GLRA3: variants seen among roughly 807,000 people sequenced by gnomAD.
GLRA3 encodes the protein glycine receptor subunit alpha-3.
GLRA3 carries 44 observed loss-of-function variants against 60.4 expected under a neutral mutation model. The ratio of observed to expected loss-of-function variants is 0.73; its 90% CI spans 0.57 to 0.94. GLRA3 has a LOEUF of 0.94. Among genes scored for constraint, GLRA3 ranks in the 40% least tolerant of loss-of-function variants. The pLI, the probability that GLRA3 is intolerant of heterozygous loss-of-function variation, is 0.00. For synonymous variants in GLRA3, 223 were observed against 192.9 expected, an observed-to-expected ratio of 1.16 and a Z score of -1.29; for missense variants, 508 against 564.6, an observed-to-expected ratio of 0.90 and a Z score of 1.02.
At chr4:174,757,272 T>TACAC (rs10555003) in intron 3 of GLRA3, among the ~76,000 whole-genome samples, 33 of 151,064 alleles carry the variant, frequency 2.2e-4, no homozygotes, top group African/African-American at 8.0e-4. Flanking sequence ...ATACAACATT[T>TACAC]ACACACACAC....
At chr4:174,745,844 G>A (rs1359311313) in intron 3 of GLRA3, among the ~76,000 whole-genome samples, 1 of 150,522 alleles carries the variant, frequency 6.6e-6, no homozygotes, top group Non-Finnish European at 1.5e-5. Flanking sequence ...AAAAACATGA[G>A]TATACATTTC....
chr4:174,672,627 C>A (rs1291981921), intron 7 of GLRA3, among the ~76,000 whole-genome samples: 4 of 152,088 alleles, frequency 2.6e-5, no homozygotes, highest in Non-Finnish European at 5.9e-5. Context: ...AGATCTGAAA[C>A]CCACTCCACA....
intron 5 of GLRA3, among the ~76,000 whole-genome samples, chr4:174,709,676 T>C (rs1193213155): frequency 6.6e-6 from 1 of 152,008 alleles, no homozygotes; most frequent in Non-Finnish European, 1.5e-5. Context: ...GAAACTCTGT[T>C]GAGATTTGAG....
chr4:174,732,674 A>G (rs1271529607), intron 3 of GLRA3, among the ~76,000 whole-genome samples: 4 of 152,126 alleles, frequency 2.6e-5, no homozygotes, highest in African/African-American at 4.8e-5. Flanking sequence ...TGAATCTTAC[A>G]AATGTAAAAC....
chr4:174,781,880 C>T (rs1261490847), intron 2 of GLRA3, among the ~76,000 whole-genome samples: 1 of 152,138 alleles, frequency 6.6e-6, no homozygotes, highest in Non-Finnish European at 1.5e-5. Context: ...CCGAATTCTA[C>T]CAGAGGTATA....
At chr4:174,658,799 A>G (rs1275341011) in intron 8 of GLRA3, among the ~76,000 whole-genome samples, 1 of 152,230 alleles carries the variant, frequency 6.6e-6, no homozygotes, top group African/African-American at 2.4e-5. Flanking sequence ...GTGTTGTTCC[A>G]GGAAGCGCAT....
intron 3 of GLRA3, among the ~76,000 whole-genome samples, chr4:174,763,427 T>C (rs556223447): frequency 2.0e-5 from 3 of 152,322 alleles, no homozygotes; most frequent in Admixed American, 6.5e-5. Flanking sequence ...ACAAAACTTT[T>C]CTCTTAACCA....
intron 1 of GLRA3, among the ~76,000 whole-genome samples, chr4:174,798,848 GA>G (rs1265364333): frequency 6.6e-5 from 10 of 152,224 alleles, no homozygotes; most frequent in Admixed American, 3.9e-4. Context: ...GTGAACCCGG[GA>G]GGCGGAGCTT....
intron 5 of GLRA3, among the ~76,000 whole-genome samples, chr4:174,688,332 TA>T (rs1734634492): frequency 1.0e-5 from 1 of 96,180 alleles, no homozygotes; most frequent in Admixed American, 9.0e-5. Context: ...TATATATATA[TA>T]TATATATATA....
chr4:174,819,808 G>A (rs552815685), intron 1 of GLRA3, among the ~76,000 whole-genome samples: 1 of 152,238 alleles, frequency 6.6e-6, no homozygotes, highest in Non-Finnish European at 1.5e-5. Flanking sequence ...TCTGATCCCA[G>A]AACTCTGATA....
intron 9 of GLRA3, among the ~76,000 whole-genome samples, chr4:174,650,054 G>A (rs764447215): frequency 6.6e-6 from 1 of 152,182 alleles, no homozygotes; most frequent in Non-Finnish European, 1.5e-5. Flanking sequence ...AGTGGCACCT[G>A]TGACTAGGTA....
At chr4:174,757,298 C>T (rs1737758024) in intron 3 of GLRA3, among the ~76,000 whole-genome samples, 1 of 148,612 alleles carries the variant, frequency 6.7e-6, no homozygotes, top group Non-Finnish European at 1.5e-5. Flanking sequence ...CACACACACA[C>T]TTCCAAGCTC....
At chr4:174,645,811 C>T (rs368453816) in intron 9 of GLRA3, among the ~76,000 whole-genome samples, 2 of 152,076 alleles carry the variant, frequency 1.3e-5, no homozygotes. Flanking sequence ...ATTTCTTTGG[C>T]GTCCATGAAA....
intron 4 of GLRA3, among the ~76,000 whole-genome samples, chr4:174,718,486 AT>A (rs1736006416): frequency 6.6e-6 from 1 of 152,212 alleles, no homozygotes; most frequent in Non-Finnish European, 1.5e-5. Context: ...GCTGATAATA[AT>A]TTGTGACAAA....
chr4:174,760,351 A>G (rs1305280197), intron 3 of GLRA3, among the ~76,000 whole-genome samples: 1 of 152,168 alleles, frequency 6.6e-6, no homozygotes, highest in African/African-American at 2.4e-5. Flanking sequence ...AGGAAATCTC[A>G]TAAAATTGCT....
chr4:174,669,219 A>G (rs1205868174), intron 7 of GLRA3, among the ~76,000 whole-genome samples: 2 of 152,136 alleles, frequency 1.3e-5, no homozygotes, highest in Non-Finnish European at 2.9e-5. Context: ...AGGAAAAAAT[A>G]ATATTAATCT....
chr4:174,688,620 C>A, intron 5 of GLRA3, among the ~76,000 whole-genome samples: 2 of 106,558 alleles, frequency 1.9e-5, no homozygotes, highest in East Asian at 2.6e-4. Context: ...GTGTGTGTGA[C>A]GTTATTTTGG....
At chr4:174,776,098 C>T (rs1479126004) in intron 2 of GLRA3, among the ~76,000 whole-genome samples, 1 of 152,070 alleles carries the variant, frequency 6.6e-6, no homozygotes, top group Non-Finnish European at 1.5e-5. Flanking sequence ...TGTTGAGCAA[C>T]GGTTGCCTGG....
chr4:174,756,911 G>T (rs558611564), intron 3 of GLRA3, among the ~76,000 whole-genome samples: 2 of 152,308 alleles, frequency 1.3e-5, no homozygotes, highest in South Asian at 4.1e-4. Context: ...CTCCCAAAGT[G>T]CCGGGATTAC....
Sources: allele counts gnomAD v4.1 joint callset (sites outside exome capture counted in the v4.1 genomes callset), GRCh38; gene constraint gnomAD v4.1.1; transcripts MANE v1.5; gene names NCBI Gene and HGNC (gene_info 2026-07-23, HGNC 2026-07-21).